The following EIF3F variants were observed in gnomAD, a reference collection of about 807,000 sequenced individuals.
The protein encoded by EIF3F is eukaryotic translation initiation factor 3 subunit F.
A neutral mutation model predicts 36.0 loss-of-function variants in EIF3F; 8 were observed. The ratio of observed to expected loss-of-function variants is 0.22; its 90% CI spans 0.13 to 0.40. EIF3F has a LOEUF of 0.40. Ranked by LOEUF, EIF3F falls within the 10% of genes least tolerant of loss-of-function variation. The pLI is 1.00. For synonymous variants in EIF3F, 184 were observed against 188.5 expected, an observed-to-expected ratio of 0.98 and a Z score of 0.19; for missense variants, 430 against 467.6, an observed-to-expected ratio of 0.92 and a Z score of 0.74.
Position 8,001,172 on chromosome 11 carries a change from A to G in EIF3F, c.*5150A>G, listed in dbSNP as rs1364922445. On this transcript the variant is annotated 3_prime_UTR_variant, in exon 8 of 8. Coordinates refer to ENST00000651655, the MANE Select transcript of EIF3F (RefSeq NM_003754.3). ...ATGCTTGATCTCACTGATAAAGCAT[A>G]AATTAAAACGATGTCATTTTTAAAA... 1.3e-5 allele frequency: 2 copies of G among 152,254 alleles called. No homozygotes were observed. Among genetic ancestry groups the G allele is most frequent in the African/African-American group, 2.4e-5 (1 of 41,464 alleles). 9.4% of individuals were successfully genotyped at this position (152,254 alleles called of 1,614,324 possible).
chr11:7,995,570 C>G (rs1942151242), intron 7 of EIF3F: 1 of 606,208 alleles, frequency 1.6e-6, no homozygotes, highest in Non-Finnish European at 3.0e-6. Context: ...TCCCATGATT[C>G]CATTGTCTCA....
intron 1 of EIF3F, among the ~76,000 whole-genome samples, chr11:7,991,003 T>C (rs1285192411): frequency 6.6e-6 from 1 of 152,024 alleles, no homozygotes; most frequent in East Asian, 1.9e-4. Flanking sequence ...AAGACCAGCC[T>C]GGCCAACATG....
chr11:7,996,196 C>G lies in EIF3F; in HGVS notation c.*174C>G, dbSNP rs963072657. ...ATTTCATCTTATGTGAGTTTATTGC[C>G]GGGTGGAAGGGAGGAAAATGTTTTA... On this transcript the variant is annotated 3_prime_UTR_variant, in exon 8 of 8. Coordinates refer to ENST00000651655, the MANE Select transcript of EIF3F (RefSeq NM_003754.3). The G allele has an allele frequency of 1.7e-6, 1 of 574,606 alleles. No homozygotes were observed. Among genetic ancestry groups the G allele is most frequent in the Non-Finnish European group, 3.1e-6 (1 of 326,672 alleles). 35.6% of individuals were successfully genotyped at this position (574,606 alleles called of 1,614,324 possible). A position where few individuals can be genotyped will look rare whatever the true frequency, so the allele number is the denominator to read the frequency against.
Position 7,992,953 on chromosome 11 carries a change from C to T in EIF3F, c.582C>T (p.Ala194=). The part of the protein sequence containing the change: ...VLIHEYYSRE[A]PNPIHLTVDT... ...TCCACGAGTACTACAGCCGAGAGGCCCCCAACCCCATCCACCTCACTGTGG... is the reference window on the plus strand; with the variant it reads ...TCCACGAGTACTACAGCCGAGAGGCTCCCAACCCCATCCACCTCACTGTGG... The change falls in exon 4 of 8, where the codon GCC becomes GCT. Residue 194 remains alanine (A), a synonymous_variant. Transcript: ENST00000651655. The T allele has an allele frequency of 6.2e-7, 1 of 1,613,618 alleles. No individual in the cohort carries two copies. The highest frequency in any genetic ancestry group is 8.5e-7 in the Non-Finnish European group (1 of 1,179,786).
Position 7,994,475 on chromosome 11 carries a change from C to T in EIF3F, c.703C>T (p.Leu235=). The part of the protein sequence containing the change: ...GRTMGVMFTP[L]TVKYAYYDTE... ...GACCATGGGAGTGATGTTCACGCCT[C>T]TGACAGTGAAATACGCGTACTACGA... Residue 235 remains leucine (L), a synonymous_variant, in exon 5 of 8, where the codon CTG becomes TTG. Transcript: ENST00000651655. 6.2e-7 allele frequency: 1 copy of T among 1,614,106 alleles called. No individual in the cohort carries two copies.
intron 6 of EIF3F, 51 bp from the exon 7 acceptor site, chr11:7,995,203 G>T (rs1942146670): frequency 6.2e-7 from 1 of 1,605,376 alleles, no homozygotes; most frequent in Non-Finnish European, 8.5e-7. Context: ...AAATGGTAGG[G>T]CTCAGTGGTT....
chr11:7,988,362 C>A (rs1942052807), intron 1 of EIF3F, among the ~76,000 whole-genome samples: 1 of 152,192 alleles, frequency 6.6e-6, no homozygotes, highest in African/African-American at 2.4e-5. Context: ...GTGAGAAACC[C>A]TGTTCCCCCA....
chr11:7,995,700 A>G (rs187897403), intron 7 of EIF3F: 8 of 595,446 alleles, frequency 1.3e-5, no homozygotes, highest in African/African-American at 5.6e-5. Context: ...CAGACCCCCT[A>G]TATTCCATCC....
chr11:7,991,763 C>T lies in EIF3F; in HGVS notation c.365-18C>T, dbSNP rs1328370919. On this transcript the variant is annotated intron_variant, in intron 1 of 7. Transcript: ENST00000651655. ...GCCCTAGGATTATATAACACATGGA[C>T]GATTCTCTCTTTCACAGGAACTGTC... 24 of 1,613,798 alleles carry T rather than the reference C, an allele frequency of 1.5e-5. No homozygotes were observed. Among genetic ancestry groups the T allele is most frequent in the South Asian group, 1.3e-4 (12 of 91,074 alleles).
chr11:7,995,478 G>A (rs781388825), intron 7 of EIF3F, 111 bp downstream of exon 7: 4 of 906,788 alleles, frequency 4.4e-6, no homozygotes, highest in African/African-American at 1.6e-5. Flanking sequence ...ATAGAGACAG[G>A]GCTTCACCTA....
intron 1 of EIF3F, among the ~76,000 whole-genome samples, chr11:7,991,474 A>C (rs546141202): frequency 6.6e-6 from 1 of 152,264 alleles, no homozygotes; most frequent in East Asian, 1.9e-4. Context: ...AGAGGCTGAA[A>C]AAAAAGGCCG....
chr11:7,994,479 C>G lies in EIF3F; in HGVS notation c.707C>G (p.Thr236Arg). The G allele has an allele frequency of 6.2e-7, 1 of 1,614,074 alleles. No homozygotes were observed. ...RTMGVMFTPL[T>R]VKYAYYDTER... is the part of the protein sequence containing the mutation. ...ATGGGAGTGATGTTCACGCCTCTGACAGTGAAATACGCGTACTACGACACT... is the reference window on the plus strand; with the variant it reads ...ATGGGAGTGATGTTCACGCCTCTGAGAGTGAAATACGCGTACTACGACACT... The change falls in exon 5 of 8, where the codon ACA (threonine) becomes AGA (arginine). Residue 236 changes from threonine (T) to arginine (R), a missense_variant. Transcript: ENST00000651655.
At chr11:7,989,005 T>TA (rs1942059887) in intron 1 of EIF3F, among the ~76,000 whole-genome samples, 1 of 152,242 alleles carries the variant, frequency 6.6e-6, no homozygotes, top group Non-Finnish European at 1.5e-5. Context: ...TTGTCTTTTC[T>TA]CAGACCAAGC....
intron 1 of EIF3F, among the ~76,000 whole-genome samples, chr11:7,989,867 C>G (rs1191741372): frequency 1.3e-5 from 2 of 152,128 alleles, no homozygotes; most frequent in African/African-American, 2.4e-5. Flanking sequence ...GGAGGTAGAG[C>G]AGGAAATGAA....
Position 7,999,778 on chromosome 11 carries a change from CAT to C in EIF3F, c.*3759_*3760del, listed in dbSNP as rs941560243. 1.3e-4 allele frequency: 20 copies of C among 152,218 alleles called. No individual in the cohort carries two copies. Among genetic ancestry groups the C allele is most frequent in the Admixed American group, 1.2e-3 (18 of 15,280 alleles). The allele number at this position is 152,218 out of a possible 1,614,324, so 9.4% of individuals were successfully genotyped here. A position where few individuals can be genotyped will look rare whatever the true frequency, so the allele number is the denominator to read the frequency against. On this transcript the variant is annotated 3_prime_UTR_variant, in exon 8 of 8. Transcript: ENST00000651655. ...TTGTAGAGCTTCCTCAATAAAAACA[CAT>C]ATGATCCAGCAATCCCACTACTGGG... is the stretch of plus-strand genomic sequence containing the variant.
rs1471543799 is a variant in EIF3F at position 7,998,359 on chromosome 11, A to G, written c.*2337A>G. On this transcript the variant is annotated 3_prime_UTR_variant, in exon 8 of 8. Coordinates refer to ENST00000651655, the MANE Select transcript of EIF3F (RefSeq NM_003754.3). Reference sequence around the variant, plus strand: ...CTTATTCCTGAATGAAGCTTACCTCAGTTTCTCCAGGCGGCACATCACAGT... The same window carrying G: ...CTTATTCCTGAATGAAGCTTACCTCGGTTTCTCCAGGCGGCACATCACAGT... 6.6e-6 allele frequency: 1 copy of G among 152,246 alleles called. No individual in the cohort carries two copies. The highest frequency in any genetic ancestry group is 2.4e-5 in the African/African-American group (1 of 41,456). 9.4% of individuals were successfully genotyped at this position (152,246 alleles called of 1,614,324 possible).
Position 8,000,546 on chromosome 11 carries a change from AAT to A in EIF3F, c.*4527_*4528del, listed in dbSNP as rs1942209399. ...GGAGTAGATCTCACCAGGAGAAATG[AAT>A]ATGTGAGGTGATGGATGTAACTAGC... On this transcript the variant is annotated 3_prime_UTR_variant, in exon 8 of 8. Coordinates refer to ENST00000651655, the MANE Select transcript of EIF3F (RefSeq NM_003754.3). 6.6e-6 allele frequency: 1 copy of A among 151,870 alleles called. No homozygotes were observed. Among genetic ancestry groups the A allele is most frequent in the Admixed American group, 6.6e-5 (1 of 15,250 alleles). The allele number at this position is 151,870 out of a possible 1,614,324, so 9.4% of individuals were successfully genotyped here.
chr11:7,995,689 A>G (rs1942152753), intron 7 of EIF3F: 1 of 589,148 alleles, frequency 1.7e-6, no homozygotes. Flanking sequence ...ATCTGAGTTC[A>G]CAGACCCCCT....
rs1942174251 is a variant in EIF3F at position 7,997,548 on chromosome 11, T to C, written c.*1526T>C. 2 of 152,188 alleles carry C rather than the reference T, an allele frequency of 1.3e-5. No homozygotes were observed. The allele number at this position is 152,188 out of a possible 1,614,324, so 9.4% of individuals were successfully genotyped here. On this transcript the variant is annotated 3_prime_UTR_variant, in exon 8 of 8. Transcript: ENST00000651655. Reference sequence around the variant, plus strand: ...TACAATAAATGTATAAGTATTAAACTAGCCCAAGGAAAAATTGAATATTAA... The same window carrying C: ...TACAATAAATGTATAAGTATTAAACCAGCCCAAGGAAAAATTGAATATTAA...
Sources: gnomAD v4.1 joint callset for allele counts (sites outside exome capture counted in the v4.1 genomes callset) on GRCh38, gnomAD v4.1.1 for gene constraint, MANE v1.5 for transcripts, NCBI Gene and HGNC (gene_info 2026-07-23, HGNC 2026-07-21) for gene names.